The following MAP3K19 variants were observed in gnomAD, a reference collection of about 807,000 sequenced individuals.
The protein encoded by MAP3K19 is mitogen-activated protein kinase kinase kinase 19, also known as SPS1/STE20-related protein kinase YSK4.
MAP3K19 carries 91 observed loss-of-function variants against 114.4 expected under a neutral mutation model. The ratio of observed to expected loss-of-function variants is 0.80; its 90% CI spans 0.67 to 0.95. The LOEUF is 0.95. Ranked by LOEUF, MAP3K19 falls within the 40% of genes least tolerant of loss-of-function variation. MAP3K19 has a pLI of 0.00. For missense variants in MAP3K19, 1,471 were observed against 1,573.2 expected, an observed-to-expected ratio of 0.94 and a Z score of 1.10; for synonymous variants, 518 against 530.5, an observed-to-expected ratio of 0.98 and a Z score of 0.32.
At chr2:134,988,462 C>T (rs1685334440) in intron 9 of MAP3K19, among the ~76,000 whole-genome samples, 1 of 152,154 alleles carries the variant, frequency 6.6e-6, no homozygotes, top group South Asian at 2.1e-4. Flanking sequence ...ATAATCACAG[C>T]TCATTGCAGC....
At chr2:135,036,611 G>C (rs1057447244) in intron 2 of MAP3K19, among the ~76,000 whole-genome samples, 4 of 150,870 alleles carry the variant, frequency 2.7e-5, no homozygotes, top group African/African-American at 9.8e-5. Context: ...TATACAAGTG[G>C]AAATATTTAG....
intron 9 of MAP3K19, 93 bp downstream of exon 9, chr2:134,991,444 G>C: frequency 9.3e-7 from 1 of 1,074,214 alleles, no homozygotes; most frequent in East Asian, 2.4e-5. Flanking sequence ...TTGTTGAAGG[G>C]TCAAGTGTAA....
At chr2:134,992,494 G>C (rs749421693) in intron 8 of MAP3K19, among the ~76,000 whole-genome samples, 1 of 152,190 alleles carries the variant, frequency 6.6e-6, no homozygotes, top group African/African-American at 2.4e-5. Flanking sequence ...AAAAGCTCCA[G>C]TGTCTCCAGG....
chr2:135,005,674 A>G (rs1308067004), intron 5 of MAP3K19, 143 bp from the exon 6 acceptor site: 13 of 639,854 alleles, frequency 2.0e-5, no homozygotes, highest in African/African-American at 1.8e-5. Context: ...GACTAAAATA[A>G]TAAGAAAGTA....
At chr2:134,968,999 T>A (rs6430558) in intron 12 of MAP3K19, among the ~76,000 whole-genome samples, 1 of 152,158 alleles carries the variant, frequency 6.6e-6, no homozygotes, top group Non-Finnish European at 1.5e-5. Flanking sequence ...CAAGGCAGGC[T>A]GCTGGGAGGT....
intron 12 of MAP3K19, among the ~76,000 whole-genome samples, chr2:134,971,815 T>C (rs2105153140): frequency 6.6e-6 from 1 of 152,110 alleles, no homozygotes; most frequent in East Asian, 1.9e-4. Flanking sequence ...TTTTTCTTGG[T>C]TAGTCTAGCT....
At chr2:135,032,356 GAAA>G (rs760579264) in intron 2 of MAP3K19, among the ~76,000 whole-genome samples, 1 of 72,202 alleles carries the variant, frequency 1.4e-5, no homozygotes, top group Non-Finnish European at 2.5e-5. Context: ...GACTCTGTCT[GAAA>G]AAAAAAAAAA....
At chr2:134,970,468 A>G (rs914487658) in intron 12 of MAP3K19, among the ~76,000 whole-genome samples, 71 of 152,152 alleles carry the variant, frequency 4.7e-4, no homozygotes, top group African/African-American at 1.7e-3. Context: ...TGTATCCTGC[A>G]ACTTTACTGA....
At chr2:134,982,113 CTTT>C (rs35219224) in intron 11 of MAP3K19, among the ~76,000 whole-genome samples, 47 of 76,336 alleles carry the variant, frequency 6.2e-4, no homozygotes, top group African/African-American at 2.0e-3. Flanking sequence ...CTTTTTCTTT[CTTT>C]TTTTTTTTTT....
At position 134,964,668 on chromosome 2, in the gene MAP3K19, T is replaced by C. The variant is rs985606299; in HGVS notation, c.*182A>G. On this transcript the variant is annotated 3_prime_UTR_variant, in exon 13 of 13. Transcript: ENST00000392915. The stretch of plus-strand genomic sequence containing the variant: ...TGTTTTCTGATACTATGAGTAATAA[T>C]GTCTGACACTTGAGGAGGCTAATAT... The C allele has an allele frequency of 1.5e-5, 7 of 455,092 alleles. No individual in the cohort carries two copies. Among genetic ancestry groups the C allele is most frequent in the Admixed American group, 3.8e-5 (1 of 26,010 alleles). The allele number at this position is 455,092 out of a possible 1,614,324, so 28.2% of individuals were successfully genotyped here. A position where few individuals can be genotyped will look rare whatever the true frequency, so the allele number is the denominator to read the frequency against.
intron 5 of MAP3K19, among the ~76,000 whole-genome samples, chr2:135,006,084 T>G (rs963459602): frequency 2.0e-5 from 3 of 152,232 alleles, no homozygotes; most frequent in African/African-American, 7.2e-5. Flanking sequence ...AAACTTCCTT[T>G]TCACTCTCTA....
rs567313320 is a variant in MAP3K19, at chr2:135,043,167, G to A, written c.-423-2665C>T. ...GACCATAGACAATGAAAAGGTCCAA[G>A]AGGTTGGGGTCCAGGAACTAAGGGA... is the stretch of plus-strand genomic sequence containing the variant. On this transcript the variant is annotated intron_variant, in intron 1 of 12. Coordinates refer to ENST00000392915, the MANE Select transcript of MAP3K19 (RefSeq NM_025052.5). 9.0e-4 allele frequency among the ~76,000 whole-genome samples: 137 copies of A among 152,284 alleles called. 1 individual carries two copies. The highest frequency in any genetic ancestry group is 3.0e-3 in the African/African-American group (123 of 41,556).
At position 135,033,342 on chromosome 2, in the gene MAP3K19, C is replaced by T. The variant is rs1196586991; in HGVS notation, c.-283-2842G>A. On this transcript the variant is annotated intron_variant, in intron 2 of 12. Coordinates refer to ENST00000392915, the MANE Select transcript of MAP3K19 (RefSeq NM_025052.5). ...CTGGGCAGAGGCGCCCCTCACCTCC[C>T]GGACGGGGCAGCTGGCCGGGTGGGG... 1.2e-4 allele frequency among the ~76,000 whole-genome samples: 15 copies of T among 121,274 alleles called. 1 individual carries two copies. Among genetic ancestry groups the T allele is most frequent in the Non-Finnish European group, 1.9e-4 (12 of 62,498 alleles). The allele number at this position is 121,274 out of a possible 152,430, so 79.6% of individuals were successfully genotyped here.
intron 5 of MAP3K19, among the ~76,000 whole-genome samples, chr2:135,017,977 C>T (rs13420806): frequency 0.015 from 2,296 of 152,266 alleles, 48 homozygotes; most frequent in African/African-American, 0.051. Flanking sequence ...GGTTAAAATG[C>T]AAAGTACACA....
At chr2:135,006,836 AAGAGAGAGAG>A (rs1408557582) in intron 5 of MAP3K19, among the ~76,000 whole-genome samples, 3 of 148,628 alleles carry the variant, frequency 2.0e-5, no homozygotes, top group African/African-American at 7.5e-5. Context: ...GAGAGAGAGA[AAGAGAGAGAG>A]AGAAAAAAGA....
chr2:135,043,044 C>CAG (rs1230764753), intron 1 of MAP3K19, among the ~76,000 whole-genome samples: 2 of 152,138 alleles, frequency 1.3e-5, no homozygotes, highest in Non-Finnish European at 2.9e-5. Context: ...GATCAAACCA[C>CAG]TGCGCTCCAG....
Position 134,985,772 on chromosome 2 carries a change from A to G in MAP3K19, c.3072+28T>C, listed in dbSNP as rs777477866. On this transcript the variant is annotated intron_variant, in intron 10 of 12. Coordinates refer to ENST00000392915, the MANE Select transcript of MAP3K19 (RefSeq NM_025052.5). The stretch of plus-strand genomic sequence containing the variant: ...TGTCTCTGAGGTCCTTCCCACCCCA[A>G]TGAATCTTGGATTCTAATTATACCA... The G allele has an allele frequency of 2.6e-5, 41 of 1,551,536 alleles. No individual in the cohort carries two copies. In the Admixed American group the frequency reaches 4.2e-4, roughly 16 times the overall value.
chr2:135,031,137 A>G (rs1209802399), intron 2 of MAP3K19, among the ~76,000 whole-genome samples: 1 of 149,858 alleles, frequency 6.7e-6, no homozygotes, highest in Non-Finnish European at 1.5e-5. Flanking sequence ...TTTGCAGTCT[A>G]GTGAAGAACA....
rs186413586 is a variant in MAP3K19, at chr2:135,030,063, G to A, written c.-95+249C>T. Among the ~76,000 whole-genome samples the A allele has an allele frequency of 1.9e-3, 289 of 152,252 alleles. 2 individuals carry two copies. Among genetic ancestry groups the A allele is most frequent in the Admixed American group, 0.018 (269 of 15,286 alleles). ...CTTCCTGGGAGCAAATCATTTCCCA[G>A]GGGTGTTGTGTGACTTCTAGCACCC... On this transcript the variant is annotated intron_variant, in intron 3 of 12. Coordinates refer to ENST00000392915, the MANE Select transcript of MAP3K19 (RefSeq NM_025052.5).
Sources: allele counts gnomAD v4.1 joint callset (sites outside exome capture counted in the v4.1 genomes callset), GRCh38; gene constraint gnomAD v4.1.1; transcripts MANE v1.5; gene names NCBI Gene and HGNC (gene_info 2026-07-23, HGNC 2026-07-21).